Variants in ZFPM2 observed in about 807,000 individuals in gnomAD.
The protein encoded by ZFPM2 is zinc finger protein, FOG family member 2.
ZFPM2 carries 20 observed loss-of-function variants against 98.6 expected under a neutral mutation model. The ratio of observed to expected loss-of-function variants is 0.20; its 90% CI spans 0.14 to 0.29. The LOEUF is 0.29. ZFPM2 is among the 10% of genes least tolerant of loss of function. The pLI, the probability that ZFPM2 is intolerant of heterozygous loss-of-function variation, is 1.00. For synonymous variants in ZFPM2, 518 were observed against 502.7 expected (o/e 1.03, Z -0.41); for missense variants, 1,310 against 1,388.6 (o/e 0.94, Z 0.90).
intron 2 of ZFPM2, among the ~76,000 whole-genome samples, chr8:105,433,516 G>T (rs1358282645): frequency 6.6e-6 from 1 of 152,130 alleles, no homozygotes; most frequent in Non-Finnish European, 1.5e-5. Flanking sequence ...GGCTGGGCAC[G>T]GTGGCTCATG....
intron 5 of ZFPM2, 32 bp from the exon 6 acceptor site, chr8:105,788,686 A>G: frequency 6.2e-7 from 1 of 1,605,448 alleles, no homozygotes; most frequent in South Asian, 1.1e-5. Context: ...ATCCTATGTC[A>G]ATTTTATCTT....
At chr8:105,422,034 C>T (rs1055563475) in intron 2 of ZFPM2, among the ~76,000 whole-genome samples, 7 of 114,476 alleles carry the variant, frequency 6.1e-5, no homozygotes, top group Admixed American at 1.3e-4. Context: ...GCGACGGGAG[C>T]GAGACTCCAT....
intron 5 of ZFPM2, among the ~76,000 whole-genome samples, chr8:105,722,106 A>G (rs188700071): frequency 6.6e-6 from 1 of 151,950 alleles, no homozygotes; most frequent in African/African-American, 2.4e-5. Context: ...AAAATTATAT[A>G]TATGGCTAAT....
At chr8:105,474,198 G>A (rs1051740994) in intron 3 of ZFPM2, among the ~76,000 whole-genome samples, 8 of 152,046 alleles carry the variant, frequency 5.3e-5, no homozygotes, top group East Asian at 1.9e-4. Context: ...GTCTCTCTTC[G>A]CTCTGTTTTT....
intron 3 of ZFPM2, among the ~76,000 whole-genome samples, chr8:105,515,437 A>G (rs1813898715): frequency 6.6e-6 from 1 of 152,178 alleles, no homozygotes; most frequent in African/African-American, 2.4e-5. Context: ...TATGAATAGC[A>G]AGAAGTAAGA....
intron 4 of ZFPM2, among the ~76,000 whole-genome samples, chr8:105,615,419 G>A (rs1816393543): frequency 6.6e-6 from 1 of 152,134 alleles, no homozygotes; most frequent in Non-Finnish European, 1.5e-5. Flanking sequence ...TCATTTTGAT[G>A]TGAATTAGCG....
At chr8:105,575,485 A>G (rs945059705) in intron 4 of ZFPM2, among the ~76,000 whole-genome samples, 8 of 152,168 alleles carry the variant, frequency 5.3e-5, no homozygotes, top group African/African-American at 1.9e-4. Flanking sequence ...GAGCTAGGGA[A>G]TATGGCAGAG....
At chr8:105,764,487 T>A (rs1812814540) in intron 5 of ZFPM2, among the ~76,000 whole-genome samples, 1 of 151,840 alleles carries the variant, frequency 6.6e-6, no homozygotes, top group Admixed American at 6.6e-5. Context: ...TACTTCCGTT[T>A]TTCAATAATT....
In ZFPM2 at chr8:105,798,844, A is replaced by G. The variant is rs766134060; in HGVS notation, c.860A>G (p.Asn287Ser). Residue 287 changes from asparagine to serine, a missense_variant, in exon 7 of 8, where the codon AAT becomes AGT. Asn to Ser is a conservative substitution (Grantham distance 46). Transcript: ENST00000407775. ...GAAGCTGCTCCGGTGTCAGAGGAAA[A>G]TGAAGACAGTGCCCATCAGATTTCC... ...QREAAPVSEE[N>S]EDSAHQISSL... 3.2e-5 allele frequency: 52 copies of G among 1,613,856 alleles called. No homozygotes were observed. In the South Asian group the frequency reaches 3.3e-4, roughly 10 times the overall value.
At chr8:105,465,694 C>A (rs1812784890) in intron 3 of ZFPM2, among the ~76,000 whole-genome samples, 1 of 151,896 alleles carries the variant, frequency 6.6e-6, no homozygotes, top group South Asian at 2.1e-4. Flanking sequence ...TGGAATTTTA[C>A]TTGGAGAGAA....
At chr8:105,570,041 C>G (rs1466815702) in intron 4 of ZFPM2, among the ~76,000 whole-genome samples, 7 of 152,202 alleles carry the variant, frequency 4.6e-5, no homozygotes, top group African/African-American at 1.7e-4. Context: ...GGACTTATAA[C>G]CTTTTTAATT....
chr8:105,802,617 G>C lies in ZFPM2; in HGVS notation c.2535G>C (p.Thr845=). The C allele has an allele frequency of 6.2e-7, 1 of 1,610,666 alleles. No individual in the cohort carries two copies. The highest frequency in any genetic ancestry group is 8.5e-7 in the Non-Finnish European group (1 of 1,178,446). ...KCLSQSERTT[T]SPKRLLDYHE... is the part of the protein sequence containing the mutation. The stretch of plus-strand genomic sequence containing the variant: ...TATCTCAGTCTGAGCGGACGACCAC[G>C]TCTCCCAAAAGGCTGCTGGACTATC... Residue 845 remains threonine, a synonymous_variant, in exon 8 of 8, where the codon ACG becomes ACC. Coordinates refer to ENST00000407775, the MANE Select transcript of ZFPM2 (RefSeq NM_012082.4).
At chr8:105,618,426 A>G (rs1816464698) in intron 4 of ZFPM2, among the ~76,000 whole-genome samples, 1 of 152,122 alleles carries the variant, frequency 6.6e-6, no homozygotes, top group Non-Finnish European at 1.5e-5. Context: ...TGTTGTAAAA[A>G]TTGATTAAAA....
chr8:105,624,995 C>T (rs1658882175), intron 4 of ZFPM2, among the ~76,000 whole-genome samples: 1 of 152,136 alleles, frequency 6.6e-6, no homozygotes, highest in Non-Finnish European at 1.5e-5. Flanking sequence ...AGCAGAAGTT[C>T]TCTGGAATTT....
At chr8:105,512,166 T>A (rs1813831209) in intron 3 of ZFPM2, among the ~76,000 whole-genome samples, 1 of 152,136 alleles carries the variant, frequency 6.6e-6, no homozygotes, top group Non-Finnish European at 1.5e-5. Flanking sequence ...GCACAACAAA[T>A]GTATATTCTT....
chr8:105,759,187 G>A (rs769684321), intron 5 of ZFPM2, among the ~76,000 whole-genome samples: 5 of 151,974 alleles, frequency 3.3e-5, no homozygotes, highest in Non-Finnish European at 7.4e-5. Context: ...TATCTCATTC[G>A]CCAAGTTCAG....
At chr8:105,721,235 G>A (rs564790651) in intron 5 of ZFPM2, among the ~76,000 whole-genome samples, 12 of 151,790 alleles carry the variant, frequency 7.9e-5, no homozygotes, top group Middle Eastern at 3.2e-3. Flanking sequence ...TGTGTTTTCC[G>A]TCTGCCTTTG....
intron 3 of ZFPM2, among the ~76,000 whole-genome samples, chr8:105,525,257 A>C (rs1814150148): frequency 6.6e-6 from 1 of 152,210 alleles, no homozygotes; most frequent in Non-Finnish European, 1.5e-5. Flanking sequence ...TTCCGTCAAT[A>C]GTGTATACTG....
chr8:105,759,946 A>C (rs1304791821), intron 5 of ZFPM2, among the ~76,000 whole-genome samples: 1 of 152,110 alleles, frequency 6.6e-6, no homozygotes, highest in Non-Finnish European at 1.5e-5. Context: ...CGAAACAGAC[A>C]GAACTTACTT....
Sources: gnomAD v4.1 joint callset for allele counts (sites outside exome capture counted in the v4.1 genomes callset) on GRCh38, gnomAD v4.1.1 for gene constraint, MANE v1.5 for transcripts, NCBI Gene and HGNC (gene_info 2026-07-23, HGNC 2026-07-21) for gene names.